The following GRIK4 variants were observed in gnomAD, a reference collection of about 807,000 sequenced individuals.
The protein encoded by GRIK4 is glutamate receptor ionotropic, kainate 4.
Under a neutral mutation model 104.9 loss-of-function variants are expected in GRIK4, and 40 were observed. The observed-to-expected ratio is 0.38, with a 90% CI of 0.30 to 0.50. The LOEUF (loss-of-function observed/expected upper bound fraction) is 0.50. Ranked by LOEUF, GRIK4 falls within the 20% of genes least tolerant of loss-of-function variation. GRIK4 has a pLI of 0.93. For missense variants in GRIK4, 1,047 were observed against 1,308.1 expected, an observed-to-expected ratio of 0.80 and a Z score of 3.08; for synonymous variants, 485 against 524.9, an observed-to-expected ratio of 0.92 and a Z score of 1.04.
chr11:120,675,907 A>G (rs181136143), intron 3 of GRIK4, among the ~76,000 whole-genome samples: 107 of 152,346 alleles, frequency 7.0e-4, no homozygotes, highest in African/African-American at 2.5e-3. Flanking sequence ...ATTTTCACAA[A>G]CTTAGTGGCT....
At chr11:120,683,359 CATTT>C (rs1285212942) in intron 3 of GRIK4, among the ~76,000 whole-genome samples, 2 of 151,970 alleles carry the variant, frequency 1.3e-5, no homozygotes, top group Non-Finnish European at 2.9e-5. Context: ...GCCAAAGTAT[CATTT>C]ATTAAGAAGG....
Position 120,521,446 on chromosome 11 carries a change from C to T in GRIK4, c.-159+9559C>T, listed in dbSNP as rs187974630. Among the ~76,000 whole-genome samples, 819 of 152,262 alleles carry T rather than the reference C, an allele frequency of 5.4e-3. 7 individuals are homozygous for T. The highest frequency in any genetic ancestry group is 9.3e-3 in the Non-Finnish European group (635 of 68,016). The stretch of plus-strand genomic sequence containing the variant: ...TCTTGGTGATTTGTGTCCTCTCCCC[C>T]AAAGAGCTCACAGGGCCACAAACCT... On this transcript the variant is annotated intron_variant, in intron 1 of 20. Coordinates refer to ENST00000527524, the MANE Select transcript of GRIK4 (RefSeq NM_014619.5).
At chr11:120,547,285 T>G (rs1429229482) in intron 1 of GRIK4, among the ~76,000 whole-genome samples, 1 of 152,154 alleles carries the variant, frequency 6.6e-6, no homozygotes, top group Admixed American at 6.5e-5. Flanking sequence ...GCATCTTAGA[T>G]TTTGAGCTCC....
chr11:120,607,750 G>C (rs1349187946), intron 1 of GRIK4, among the ~76,000 whole-genome samples: 1 of 152,146 alleles, frequency 6.6e-6, no homozygotes, highest in African/African-American at 2.4e-5. Flanking sequence ...CACGGGCCCA[G>C]ATTGTGTCAC....
chr11:120,829,706 G>A (rs1226942166), intron 6 of GRIK4, among the ~76,000 whole-genome samples: 1 of 152,222 alleles, frequency 6.6e-6, no homozygotes, highest in African/African-American at 2.4e-5. Flanking sequence ...ATCACAGTGA[G>A]TTCTCATCCT....
At chr11:120,612,350 A>G (rs1460764725) in intron 1 of GRIK4, among the ~76,000 whole-genome samples, 2 of 152,154 alleles carry the variant, frequency 1.3e-5, no homozygotes, top group Non-Finnish European at 2.9e-5. Flanking sequence ...TTGTAATGCT[A>G]GTTTTTCTCA....
At position 120,644,011 on chromosome 11, in the gene GRIK4, C is replaced by CTCTG. The variant is rs1555150753; in HGVS notation, c.-158-9673_-158-9672insCTGT. 2.8e-4 allele frequency among the ~76,000 whole-genome samples: 35 copies of CTCTG among 122,922 alleles called. No individual in the cohort carries two copies. The East Asian group carries it at 5.3e-3, about 19-fold the overall frequency. 80.6% of individuals were successfully genotyped at this position (122,922 alleles called of 152,430 possible). A position where few individuals can be genotyped will look rare whatever the true frequency, so the allele number is the denominator to read the frequency against. On this transcript the variant is annotated intron_variant, in intron 1 of 20. Coordinates refer to ENST00000527524, the MANE Select transcript of GRIK4 (RefSeq NM_014619.5). ...ATGACAAGTTTCCAGGGGAGAGGGT[C>CTCTG]TGTGTGTGTGTGTGTGTGTGTGTGT...
intron 1 of GRIK4, among the ~76,000 whole-genome samples, chr11:120,579,255 C>T (rs190818253): frequency 2.0e-5 from 3 of 148,186 alleles, no homozygotes; most frequent in Admixed American, 6.8e-5. Flanking sequence ...ATGGATGAGG[C>T]GTGGGGGTGC....
At chr11:120,911,502 G>A (rs1052134549) in intron 13 of GRIK4, among the ~76,000 whole-genome samples, 10 of 147,462 alleles carry the variant, frequency 6.8e-5, no homozygotes, top group African/African-American at 2.2e-4. Context: ...CTCCCAAAGT[G>A]CTGGGATTAC....
chr11:120,959,110 G>C (rs1216891646), intron 16 of GRIK4, among the ~76,000 whole-genome samples: 2 of 152,150 alleles, frequency 1.3e-5, no homozygotes, highest in Non-Finnish European at 2.9e-5. Context: ...ACAGATTGCT[G>C]ATCACTCATG....
chr11:120,533,057 G>C (rs935586523), intron 1 of GRIK4, among the ~76,000 whole-genome samples: 2 of 152,184 alleles, frequency 1.3e-5, no homozygotes, highest in Non-Finnish European at 2.9e-5. Context: ...ATGTAGGGGG[G>C]CGCAGAGACA....
intron 11 of GRIK4, among the ~76,000 whole-genome samples, chr11:120,887,750 G>T (rs1467056399): frequency 6.6e-6 from 1 of 152,196 alleles, no homozygotes; most frequent in East Asian, 1.9e-4. Context: ...GGAGAGGGGC[G>T]TGAAACAAAT....
At chr11:120,642,221 C>T (rs1949479481) in intron 1 of GRIK4, among the ~76,000 whole-genome samples, 1 of 152,126 alleles carries the variant, frequency 6.6e-6, no homozygotes, top group Non-Finnish European at 1.5e-5. Context: ...GTCCTAGCTA[C>T]TCAGGAGGCT....
chr11:120,819,887 A>G lies in GRIK4; in HGVS notation c.478A>G (p.Thr160Ala). Residue 160 changes from threonine to alanine, a missense_variant, in exon 6 of 21, where the codon ACC becomes GCC. Thr to Ala is a moderately conservative substitution (Grantham distance 58). Coordinates refer to ENST00000527524, the MANE Select transcript of GRIK4 (RefSeq NM_014619.5). This position sits in a 1 kb window ranked among gnomAD's most constrained non-coding sequence, Gnocchi z 4.3. ...VAGILNFFNCTTACLICAKAE... is the reference protein window; with the variant it reads ...VAGILNFFNCATACLICAKAE... ...TGGGATCCTGAACTTCTTCAACTGC[A>G]CCACCGCCTGCCTCATCTGTGCCAA... is the stretch of plus-strand genomic sequence containing the variant. The G allele has an allele frequency of 6.2e-7, 1 of 1,613,994 alleles. No homozygotes were observed. The highest frequency in any genetic ancestry group is 8.5e-7 in the Non-Finnish European group (1 of 1,179,992).
At chr11:120,686,145 TAATA>T (rs1950273603) in intron 3 of GRIK4, among the ~76,000 whole-genome samples, 1 of 151,614 alleles carries the variant, frequency 6.6e-6, no homozygotes, top group African/African-American at 2.4e-5. Context: ...CGTAAGCGCA[TAATA>T]AATGTTAGTT....
chr11:120,945,032 CT>C (rs1273463588), intron 14 of GRIK4, among the ~76,000 whole-genome samples: 1 of 152,048 alleles, frequency 6.6e-6, no homozygotes, highest in African/African-American at 2.4e-5. Context: ...TCATATCAAC[CT>C]CCTTCTTGAA....
intron 19 of GRIK4, among the ~76,000 whole-genome samples, chr11:120,971,890 C>T (rs568798391): frequency 2.2e-4 from 34 of 152,192 alleles, no homozygotes; most frequent in Admixed American, 5.9e-4. Context: ...TGTTGAAAAC[C>T]GGGTAAAGGT....
At chr11:120,703,621 A>G (rs983485653) in intron 3 of GRIK4, among the ~76,000 whole-genome samples, 1 of 151,860 alleles carries the variant, frequency 6.6e-6, no homozygotes, top group African/African-American at 2.4e-5. Flanking sequence ...TATAAATCCT[A>G]CCGTCTGTCA....
chr11:120,610,622 T>G (rs2135146680), intron 1 of GRIK4, among the ~76,000 whole-genome samples: 1 of 152,234 alleles, frequency 6.6e-6, no homozygotes, highest in African/African-American at 2.4e-5. Flanking sequence ...GGGGACACTG[T>G]CATTCAGGAG....
Sources: gnomAD v4.1 joint callset for allele counts (sites outside exome capture counted in the v4.1 genomes callset) on GRCh38, gnomAD v4.1.1 for gene constraint, Gnocchi (gnomAD v3.1) non-coding constraint, MANE v1.5 for transcripts, NCBI Gene and HGNC (gene_info 2026-07-23, HGNC 2026-07-21) for gene names.